The following PCDHGA11 variants were observed in gnomAD, a reference collection of about 807,000 sequenced individuals.
PCDHGA11 encodes the protein protocadherin gamma-A11.
In PCDHGA11, 39 loss-of-function variants were observed where a neutral mutation model predicts 60.4. The observed-to-expected ratio is 0.65, with a 90% CI of 0.50 to 0.84. PCDHGA11 has a LOEUF of 0.84. PCDHGA11 is among the 40% of genes least tolerant of loss of function. The pLI, the probability that PCDHGA11 is intolerant of heterozygous loss-of-function variation, is 0.00. For synonymous variants in PCDHGA11, 533 were observed against 510.3 expected, an observed-to-expected ratio of 1.04 and a Z score of -0.60; for missense variants, 1,165 against 1,197.7, an observed-to-expected ratio of 0.97 and a Z score of 0.40.
At chr5:141,423,761 TG>T in intron 1 of PCDHGA11, 101 bp downstream of exon 1, 1 of 156,420 alleles carries the variant, frequency 6.4e-6, no homozygotes, top group Non-Finnish European at 9.2e-6. Context: ...GGGGGGGGGG[TG>T]GGGCGGCATA....
rs201409669 is a variant in PCDHGA11 at position 141,490,703 on chromosome 5, G to A, written c.2434-4104G>A. The stretch of plus-strand genomic sequence containing the variant: ...GATCCAGACACTGGGGATAATGCCC[G>A]CCTCACCTACTCCATTGTAGGAAAT... On this transcript the variant is annotated intron_variant, in intron 1 of 3. Coordinates refer to ENST00000398587, the MANE Select transcript of PCDHGA11 (RefSeq NM_018914.3). This position sits in a 1 kb window ranked among gnomAD's most constrained non-coding sequence, Gnocchi z 5.4. 2.6e-4 allele frequency: 421 copies of A among 1,614,106 alleles called. No homozygotes were observed. Among genetic ancestry groups the A allele is most frequent in the Middle Eastern group, 6.6e-4 (4 of 6,062 alleles).
chr5:141,506,115 T>C (rs1211973354), intron 3 of PCDHGA11, among the ~76,000 whole-genome samples: 1 of 152,062 alleles, frequency 6.6e-6, no homozygotes, highest in Admixed American at 6.5e-5. Context: ...GAAGAGTCAC[T>C]AGGGCCCAGA....
intron 1 of PCDHGA11, among the ~76,000 whole-genome samples, chr5:141,462,361 T>C (rs1354253099): frequency 6.6e-6 from 1 of 152,282 alleles, no homozygotes; most frequent in Non-Finnish European, 1.5e-5. Flanking sequence ...ATACATTGTA[T>C]AGTTTCTATT....
chr5:141,423,759 G>C, intron 1 of PCDHGA11, 99 bp downstream of exon 1: 1 of 321,042 alleles, frequency 3.1e-6, no homozygotes, highest in Non-Finnish European at 4.5e-6. Flanking sequence ...TTGGGGGGGG[G>C]GTGGGGCGGC....
intron 2 of PCDHGA11, among the ~76,000 whole-genome samples, chr5:141,500,176 A>G (rs922155744): frequency 1.4e-5 from 2 of 145,916 alleles, no homozygotes; most frequent in Admixed American, 1.4e-4. Flanking sequence ...CATGAGCTTC[A>G]TTTTTATTTT....
At chr5:141,466,545 T>C (rs2099124777) in intron 1 of PCDHGA11, among the ~76,000 whole-genome samples, 1 of 152,216 alleles carries the variant, frequency 6.6e-6, no homozygotes. Flanking sequence ...AGATGGTCTT[T>C]TGCTGTGGGC....
Position 141,432,046 on chromosome 5 carries a change from C to G in PCDHGA11, c.2433+8386C>G, listed in dbSNP as rs1389286417. The G allele has an allele frequency of 6.2e-7, 1 of 1,614,224 alleles. No individual in the cohort carries two copies. The highest frequency in any genetic ancestry group is 2.2e-5 in the East Asian group (1 of 44,886). The stretch of plus-strand genomic sequence containing the variant: ...CAGTGACCGCCACTGACCGGGGAAC[C>G]CCGCCCCTATCCACGGAAACTCATA... On this transcript the variant is annotated intron_variant, in intron 1 of 3. Coordinates refer to ENST00000398587, the MANE Select transcript of PCDHGA11 (RefSeq NM_018914.3). This position sits in a 1 kb window ranked among gnomAD's most constrained non-coding sequence, Gnocchi z 6.0.
intron 1 of PCDHGA11, among the ~76,000 whole-genome samples, chr5:141,457,912 C>T (rs991917175): frequency 1.3e-5 from 2 of 152,120 alleles, no homozygotes; most frequent in African/African-American, 4.8e-5. Context: ...GGTGTGAGGC[C>T]AGTTCTCCCC....
rs746989617 is a variant in PCDHGA11, at chr5:141,422,853, C to T, written c.1626C>T (p.Pro542=). The T allele has an allele frequency of 5.0e-6, 8 of 1,614,264 alleles. No homozygotes were observed. Among genetic ancestry groups the T allele is most frequent in the South Asian group, 3.3e-5 (3 of 91,086 alleles). The change falls in exon 1 of 4, where the codon CCC becomes CCT. Residue 542 remains proline (P), a synonymous_variant. Transcript: ENST00000398587. Reference sequence around the variant, plus strand: ...TAGCACGTGACAGCGGGGACCCGCCCCTCAGCAGCAACGTGTCGCTGAGCC... The same window carrying T: ...TAGCACGTGACAGCGGGGACCCGCCTCTCAGCAGCAACGTGTCGCTGAGCC... ...RVIARDSGDP[P]LSSNVSLSLF... is the part of the protein sequence containing the mutation.
chr5:141,432,650 G>T lies in PCDHGA11; in HGVS notation c.2433+8990G>T. 6.2e-7 allele frequency: 1 copy of T among 1,613,868 alleles called. No individual in the cohort carries two copies. The highest frequency in any genetic ancestry group is 1.1e-5 in the South Asian group (1 of 91,064). On this transcript the variant is annotated intron_variant, in intron 1 of 3. Transcript: ENST00000398587. The surrounding 1 kb of genome is among the most constrained non-coding windows in gnomAD (Gnocchi z 6.0). The stretch of plus-strand genomic sequence containing the variant: ...CACGGGCGAGGTGCGCACGGCGCGA[G>T]CCCTGCTGGACAGAGACGCGCTCAA...
chr5:141,472,994 AAAAG>A (rs1425445230), intron 1 of PCDHGA11, among the ~76,000 whole-genome samples: 7 of 151,692 alleles, frequency 4.6e-5, no homozygotes, highest in African/African-American at 1.7e-4. Context: ...AAAAAAAAAA[AAAAG>A]AAAGAAAAAG....
At chr5:141,499,244 CAA>C (rs1191956146) in intron 2 of PCDHGA11, among the ~76,000 whole-genome samples, 1 of 152,090 alleles carries the variant, frequency 6.6e-6, no homozygotes, top group Non-Finnish European at 1.5e-5. Flanking sequence ...AGCCTCTGCA[CAA>C]AGAGTCTCCA....
Position 141,421,468 on chromosome 5 carries a change from C to A in PCDHGA11, c.241C>A (p.Arg81=), listed in dbSNP as rs759548375. ...GACACAGCTTTTCGCTGTGAATCCG[C>A]GAAGCGGCAGCTTGATCACGGCAGG... ...GKTQLFAVNP[R]SGSLITAGRI... The change falls in exon 1 of 4, where the codon CGA becomes AGA. Residue 81 remains arginine (R), a synonymous_variant. Coordinates refer to ENST00000398587, the MANE Select transcript of PCDHGA11 (RefSeq NM_018914.3). The A allele has an allele frequency of 5.6e-6, 9 of 1,614,096 alleles. No homozygotes were observed. The highest frequency in any genetic ancestry group is 5.9e-6 in the Non-Finnish European group (7 of 1,179,950).
At chr5:141,501,146 T>C (rs2299023) in intron 2 of PCDHGA11, among the ~76,000 whole-genome samples, 88,663 of 152,012 alleles carry the variant, frequency 0.58, 27,355 homozygotes, top group African/African-American at 0.78. Context: ...GGATTACAGG[T>C]GGGAGCCACC....
intron 1 of PCDHGA11, among the ~76,000 whole-genome samples, chr5:141,425,922 A>G (rs1485934946): frequency 6.6e-6 from 1 of 152,240 alleles, no homozygotes; most frequent in Non-Finnish European, 1.5e-5. Context: ...TCACTACGAA[A>G]ACTCATAAAA....
Position 141,432,683 on chromosome 5 carries a change from C to T in PCDHGA11, c.2433+9023C>T, listed in dbSNP as rs138402830. The T allele has an allele frequency of 4.8e-5, 78 of 1,613,968 alleles. No individual in the cohort carries two copies. In the African/African-American group the frequency reaches 9.5e-4, roughly 20 times the overall value. On this transcript the variant is annotated intron_variant, in intron 1 of 3. Transcript: ENST00000398587. The surrounding 1 kb of genome is among the most constrained non-coding windows in gnomAD (Gnocchi z 6.0). ...GGACAGAGACGCGCTCAAGCAGAGC[C>T]TCGTAGTGGCCGTCCAGGACCACGG...
intron 1 of PCDHGA11, among the ~76,000 whole-genome samples, chr5:141,429,774 G>A (rs1175985162): frequency 6.6e-6 from 1 of 152,070 alleles, no homozygotes; most frequent in Non-Finnish European, 1.5e-5. Context: ...ATTTTGATGG[G>A]CTTCCAAAAG....
chr5:141,511,793 G>A lies in PCDHGA11; in HGVS notation c.*620G>A, dbSNP rs2099883948. The stretch of plus-strand genomic sequence containing the variant: ...TACTGATGCTTGCTGGATTTAGGGA[G>A]GGCATTTTGCTACCAAGCCTCTTCC... On this transcript the variant is annotated 3_prime_UTR_variant, in exon 4 of 4. Coordinates refer to ENST00000398587, the MANE Select transcript of PCDHGA11 (RefSeq NM_018914.3). 6.4e-6 allele frequency: 1 copy of A among 157,066 alleles called. No homozygotes were observed. The highest frequency in any genetic ancestry group is 2.4e-5 in the African/African-American group (1 of 41,492). 9.7% of individuals were successfully genotyped at this position (157,066 alleles called of 1,614,324 possible). A position where few individuals can be genotyped will look rare whatever the true frequency, so the allele number is the denominator to read the frequency against.
chr5:141,453,317 G>A (rs1218359210), intron 1 of PCDHGA11, among the ~76,000 whole-genome samples: 1 of 151,178 alleles, frequency 6.6e-6, no homozygotes, highest in Non-Finnish European at 1.5e-5. Flanking sequence ...ATTTATTTTA[G>A]AGATGGGGTC....
Sources: gnomAD v4.1 joint callset for allele counts (sites outside exome capture counted in the v4.1 genomes callset) on GRCh38, gnomAD v4.1.1 for gene constraint, Gnocchi (gnomAD v3.1) non-coding constraint, MANE v1.5 for transcripts, NCBI Gene and HGNC (gene_info 2026-07-23, HGNC 2026-07-21) for gene names.